SMAD7: variants seen among roughly 807,000 people sequenced by gnomAD.
SMAD7 encodes MAD (mothers against decapentaplegic, Drosophila) homolog 7.
SMAD7 carries 8 observed loss-of-function variants against 38.7 expected under a neutral mutation model. The ratio of observed to expected loss-of-function variants is 0.21; its 90% confidence interval spans 0.12 to 0.37. The LOEUF (loss-of-function observed/expected upper bound fraction) is 0.37, where lower values mean the gene tolerates loss of function less well. Ranked by LOEUF, SMAD7 falls within the 10% of genes least tolerant of loss-of-function variation. SMAD7 has a pLI of 1.00. For missense variants in SMAD7, 477 were observed against 577.9 expected (o/e 0.83, Z 1.79); for synonymous variants, 327 against 265.1 (o/e 1.23, Z -2.27).
intron 3 of SMAD7, among the ~76,000 whole-genome samples, chr18:48,932,637 G>T (rs905741344): frequency 6.6e-6 from 1 of 151,652 alleles, no homozygotes; most frequent in African/African-American, 2.4e-5. Context: ...GGTTGGCCCC[G>T]GGGGAACAGA....
chr18:48,939,946 A>C (rs1274548259), intron 3 of SMAD7, among the ~76,000 whole-genome samples: 1 of 150,974 alleles, frequency 6.6e-6, no homozygotes, highest in Admixed American at 6.6e-5. Context: ...CCCCCATGGA[A>C]CGATCAACTT....
chr18:48,943,794 T>C (rs2070167916), intron 2 of SMAD7, among the ~76,000 whole-genome samples: 1 of 151,952 alleles, frequency 6.6e-6, no homozygotes, highest in Non-Finnish European at 1.5e-5. Flanking sequence ...AATCCTTTAG[T>C]GGCCTACACA....
At chr18:48,932,488 G>A (rs984169143) in intron 3 of SMAD7, among the ~76,000 whole-genome samples, 10 of 152,156 alleles carry the variant, frequency 6.6e-5, no homozygotes, top group Non-Finnish European at 1.0e-4. Flanking sequence ...AATTGGAATT[G>A]AGACCAGATC....
rs1386584727 is a variant in SMAD7, at chr18:48,950,256, T to C, written c.169A>G (p.Arg57Gly). The change falls in exon 1 of 4, where the codon AGG becomes GGG. Residue 57 changes from arginine (R) to glycine (G), a missense_variant. Physicochemically the swap from Arg to Gly is moderately radical, Grantham distance 125. Around this residue, in one of 2 missense-constraint regions of SMAD7, gnomAD observed 376 missense variants for 379.4 expected, o/e 0.99. Coordinates refer to ENST00000262158, the MANE Select transcript of SMAD7 (RefSeq NM_005904.4). ...GCCTTGCCCAGGCAGCATCCAGCCC[T>C]GCCCGGGCCGCCGCCACCGGCCCCA... ...AHGAGGGGPGRAGCCLGKAVR... is the reference protein window; with the variant it reads ...AHGAGGGGPGGAGCCLGKAVR... 4 of 1,517,926 alleles carry C rather than the reference T, an allele frequency of 2.6e-6. No individual in the cohort carries two copies. The highest frequency in any genetic ancestry group is 8.8e-7 in the Non-Finnish European group (1 of 1,135,932). 94.0% of individuals were successfully genotyped at this position (1,517,926 alleles called of 1,614,324 possible). A position where few individuals can be genotyped will look rare whatever the true frequency, so the allele number is the denominator to read the frequency against.
intron 3 of SMAD7, among the ~76,000 whole-genome samples, chr18:48,936,119 ACAC>A (rs1386162168): frequency 2.4e-5 from 2 of 84,158 alleles, no homozygotes; most frequent in Non-Finnish European, 5.0e-5. Flanking sequence ...CACACACACC[ACAC>A]ACACACACAC....
intron 1 of SMAD7, among the ~76,000 whole-genome samples, chr18:48,949,528 G>A (rs527833567): frequency 1.7e-4 from 26 of 152,204 alleles, no homozygotes; most frequent in African/African-American, 6.0e-4. Flanking sequence ...ACCGCAGACT[G>A]CAGGAGCAGT....
rs573781177 is a variant in SMAD7 at position 48,921,154 on chromosome 18, C to CA, written c.*217dup. 1.4e-5 allele frequency: 8 copies of CA among 553,876 alleles called. No individual in the cohort carries two copies. Among genetic ancestry groups the CA allele is most frequent in the Middle Eastern group, 9.5e-4 (2 of 2,112 alleles). The allele number at this position is 553,876 out of a possible 1,614,324, so 34.3% of individuals were successfully genotyped here. A position where few individuals can be genotyped will look rare whatever the true frequency, so the allele number is the denominator to read the frequency against. ...TGCCGATCATACCTGCCCCTTCTTC[C>CA]AAAAAAACCCCCAACAATTCTTTTC... On this transcript the variant is annotated 3_prime_UTR_variant, in exon 4 of 4. Coordinates refer to ENST00000262158, the MANE Select transcript of SMAD7 (RefSeq NM_005904.4). This position sits in a 1 kb window ranked among gnomAD's most constrained non-coding sequence, Gnocchi z 6.4.
At chr18:48,946,174 G>A (rs956251695) in intron 2 of SMAD7, among the ~76,000 whole-genome samples, 1 of 152,114 alleles carries the variant, frequency 6.6e-6, no homozygotes, top group Admixed American at 6.6e-5. Context: ...TCCTTTAGTT[G>A]TGCAACTGGT....
rs1440107778 is a variant in SMAD7 at position 48,921,545 on chromosome 18, C to T, written c.1108G>A (p.Asp370Asn). ...VFPGFSIKAF[D>N]YEKAYSLQRP... ...TGCAGGCTGTACGCCTTCTCGTAGT[C>T]GAAAGCCTTGATGGAGAAACCGGGG... The change falls in exon 4 of 4, where the codon GAC becomes AAC. Residue 370 changes from aspartate (D) to asparagine (N), a missense_variant. Asp to Asn is a conservative substitution (Grantham distance 23). This residue lies in a region of SMAD7 where 101 missense variants were observed against 198.5 expected (regional missense o/e 0.51). Coordinates refer to ENST00000262158, the MANE Select transcript of SMAD7 (RefSeq NM_005904.4). The surrounding 1 kb of genome is among the most constrained non-coding windows in gnomAD (Gnocchi z 6.4). 1.9e-6 allele frequency: 3 copies of T among 1,614,090 alleles called. No individual in the cohort carries two copies. The highest frequency in any genetic ancestry group is 1.3e-5 in the African/African-American group (1 of 74,908).
rs148910273 is a variant in SMAD7, at chr18:48,924,924, C to T, written c.743-3014G>A. ...CCCCCATTGCCACTACAGAGATTCC[C>T]CTTTGCCCTGAATTCCCCGCCATTT... On this transcript the variant is annotated intron_variant, in intron 3 of 3. Transcript: ENST00000262158. 1.3e-3 allele frequency among the ~76,000 whole-genome samples: 205 copies of T among 152,362 alleles called. 1 individual carries two copies. The highest frequency in any genetic ancestry group is 4.4e-3 in the African/African-American group (185 of 41,592).
intron 3 of SMAD7, among the ~76,000 whole-genome samples, chr18:48,935,763 A>T (rs1044874964): frequency 9.9e-5 from 15 of 152,228 alleles, no homozygotes; most frequent in African/African-American, 2.9e-4. Context: ...ATCAGCACAG[A>T]TGTGTCTGCT....
intron 2 of SMAD7, among the ~76,000 whole-genome samples, chr18:48,946,430 C>CGGGGG (rs74174734): frequency 0.011 from 1,660 of 145,034 alleles, 34 homozygotes; most frequent in Non-Finnish European, 0.019. Context: ...GTGAGGGGGG[C>CGGGGG]GGGGGGGGTG....
chr18:48,945,308 A>T (rs1207783546), intron 2 of SMAD7, among the ~76,000 whole-genome samples: 1 of 152,160 alleles, frequency 6.6e-6, no homozygotes, highest in Non-Finnish European at 1.5e-5. Flanking sequence ...TAAAAATACA[A>T]AAAATTAGCT....
intron 3 of SMAD7, among the ~76,000 whole-genome samples, chr18:48,936,649 C>CT (rs1028270822): frequency 1.3e-5 from 2 of 152,172 alleles, no homozygotes; most frequent in African/African-American, 4.8e-5. Context: ...CACTTTACAC[C>CT]TTTTTTTTCT....
rs772870815 is a variant in SMAD7 at position 48,920,343 on chromosome 18, G to A, written c.*1029C>T. ...AGAAGAAATGAAAGAAGAGTTAGGT[G>A]TCAGCCTAGGATGGTACCTTGGGTT... On this transcript the variant is annotated 3_prime_UTR_variant, in exon 4 of 4. Coordinates refer to ENST00000262158, the MANE Select transcript of SMAD7 (RefSeq NM_005904.4). 6.5e-6 allele frequency: 1 copy of A among 152,682 alleles called. No homozygotes were observed. The highest frequency in any genetic ancestry group is 1.5e-5 in the Non-Finnish European group (1 of 68,048). The allele number at this position is 152,682 out of a possible 1,614,324, so 9.5% of individuals were successfully genotyped here.
At position 48,950,414 on chromosome 18, in the gene SMAD7, G is replaced by A; in HGVS notation, c.11C>T (p.Thr4Ile). 1.3e-6 allele frequency: 2 copies of A among 1,550,280 alleles called. No homozygotes were observed. Among genetic ancestry groups the A allele is most frequent in the South Asian group, 1.2e-5 (1 of 83,840 alleles). MFR[T>I]KRSALVRRLW... ...ACGCCGGACGAGCGCAGATCGTTTG[G>A]TCCTGAACATGCGGGGCGAGGAGGC... Residue 4 changes from threonine (T) to isoleucine (I), a missense_variant, in exon 1 of 4, where the codon ACC becomes ATC. This residue lies in a region of SMAD7 where 376 missense variants were observed against 379.4 expected (regional missense o/e 0.99). Transcript: ENST00000262158.
intron 3 of SMAD7, among the ~76,000 whole-genome samples, chr18:48,931,128 G>A (rs953631678): frequency 2.0e-5 from 3 of 152,174 alleles, no homozygotes; most frequent in Non-Finnish European, 4.4e-5. Flanking sequence ...CAAATTCATA[G>A]ACAGAAAGAA....
intron 3 of SMAD7, among the ~76,000 whole-genome samples, chr18:48,922,609 G>C (rs1289628822): frequency 3.3e-5 from 5 of 152,122 alleles, no homozygotes; most frequent in Non-Finnish European, 5.9e-5. Flanking sequence ...TGTACACAAA[G>C]GGTGAATTCA....
At chr18:48,926,176 A>C (rs1235991408) in intron 3 of SMAD7, among the ~76,000 whole-genome samples, 1 of 152,238 alleles carries the variant, frequency 6.6e-6, no homozygotes, top group Non-Finnish European at 1.5e-5. Flanking sequence ...AGAGAGGCAG[A>C]GCAGCTCCAA....
Sources: gnomAD v4.1 joint callset for allele counts (sites outside exome capture counted in the v4.1 genomes callset) on GRCh38, gnomAD v4.1.1 for gene constraint, gnomAD v4.1.1 regional missense constraint, Gnocchi (gnomAD v3.1) non-coding constraint, MANE v1.5 for transcripts, NCBI Gene and HGNC (gene_info 2026-07-23, HGNC 2026-07-21) for gene names.